Variants in SHOC1 observed in about 807,000 individuals in gnomAD.
SHOC1 encodes the protein shortage in chiasmata 1.
A neutral mutation model predicts 179.2 loss-of-function variants in SHOC1; 136 were observed. That is an observed-to-expected ratio of 0.76 (90% CI 0.66 to 0.87). SHOC1 has a LOEUF of 0.87. Among genes scored for constraint, SHOC1 ranks in the 40% least tolerant of loss-of-function variants. SHOC1 has a pLI of 0.00. For synonymous variants in SHOC1, 489 were observed against 586.6 expected, an observed-to-expected ratio of 0.83 and a Z score of 2.41; for missense variants, 1,538 against 1,700.8, an observed-to-expected ratio of 0.90 and a Z score of 1.68.
chr9:111,729,325 C>T (rs921832095), intron 12 of SHOC1, among the ~76,000 whole-genome samples: 4 of 148,752 alleles, frequency 2.7e-5, no homozygotes, highest in African/African-American at 9.9e-5. Flanking sequence ...CCAGGCTGAT[C>T]TTGAACTCTT....
At chr9:111,736,990 C>T (rs1833837252) in intron 12 of SHOC1, among the ~76,000 whole-genome samples, 1 of 152,088 alleles carries the variant, frequency 6.6e-6, no homozygotes, top group Non-Finnish European at 1.5e-5. Flanking sequence ...CAGAGAAATG[C>T]AAATCAAAGC....
At chr9:111,716,939 A>G (rs549179447) in intron 16 of SHOC1, among the ~76,000 whole-genome samples, 40 of 152,360 alleles carry the variant, frequency 2.6e-4, no homozygotes, top group African/African-American at 9.6e-4. Flanking sequence ...CTAAACAAGC[A>G]TAAGTGTGTA....
intron 12 of SHOC1, among the ~76,000 whole-genome samples, chr9:111,732,490 A>G (rs1833620551): frequency 1.3e-5 from 2 of 152,204 alleles, no homozygotes; most frequent in Admixed American, 6.5e-5. Flanking sequence ...TTTATTCACA[A>G]TAATAAAAAA....
Position 111,756,350 on chromosome 9 carries a change from A to T in SHOC1, c.837T>A (p.Asp279Glu). 1.2e-6 allele frequency: 2 copies of T among 1,600,756 alleles called. No homozygotes were observed. Among genetic ancestry groups the T allele is most frequent in the Non-Finnish European group, 1.7e-6 (2 of 1,176,030 alleles). ...NPVPEIINYV[D>E]EKEKLFERDL... ...CTCTTTCAAAAAGCTTTTCCTTTTC[A>T]TCTACATAGTTTATTATTTCTGGCA... The change falls in exon 8 of 28, where the codon GAT becomes GAA. Residue 279 changes from aspartate (D) to glutamate (E), a missense_variant. Asp to Glu is a conservative substitution (Grantham distance 45). Coordinates refer to ENST00000682961, the MANE Select transcript of SHOC1 (RefSeq NM_001378211.1).
intron 6 of SHOC1, 149 bp from the exon 7 acceptor site, chr9:111,758,344 C>G: frequency 1.8e-6 from 1 of 570,972 alleles, no homozygotes; most frequent in East Asian, 3.2e-5. Context: ...GCCTGTAATC[C>G]CAGCACTTTG....
chr9:111,748,810 TCCTTCCTCCCTC>T (rs1422371712), intron 8 of SHOC1, among the ~76,000 whole-genome samples: 3 of 109,328 alleles, frequency 2.7e-5, no homozygotes, highest in Non-Finnish European at 5.3e-5. Flanking sequence ...CTTCCTTCCT[TCCTTCCTCCCTC>T]CCTTCCTCTC....
chr9:111,753,499 T>A (rs1834699845), intron 8 of SHOC1, among the ~76,000 whole-genome samples: 1 of 152,084 alleles, frequency 6.6e-6, no homozygotes, highest in African/African-American at 2.4e-5. Context: ...GGATAAAAAA[T>A]TTTAAAACCA....
In SHOC1 at chr9:111,748,168, GA is replaced by G. The variant is rs1834379181; in HGVS notation, c.893del (p.Ile298ThrfsTer4). 6.2e-7 allele frequency: 1 copy of G among 1,613,050 alleles called. No individual in the cohort carries two copies. The highest frequency in any genetic ancestry group is 1.3e-5 in the African/African-American group (1 of 74,828). On this transcript the variant is annotated frameshift_variant, in exon 9 of 28. Transcript: ENST00000682961. LOFTEE classifies it high-confidence loss of function. ...DLTNKHGIEDIGDIKFSSTEI... is the reference protein window; with the variant it reads ...DLTNKHGIEDXGDIKFSSTEI... ...CTGTGGAGCTGAATTTTATATCCCC[GA>G]TATCCTCAATTCCATGCTTGTTAGT...
At position 111,691,646 on chromosome 9, in the gene SHOC1, T is replaced by C. The variant is rs1010130109; in HGVS notation, c.4331A>G (p.Asn1444Ser). 6.2e-7 allele frequency: 1 copy of C among 1,613,854 alleles called. No homozygotes were observed. Among genetic ancestry groups the C allele is most frequent in the African/African-American group, 1.3e-5 (1 of 74,908 alleles). ...SDSNANQKEF[N>S]SLYFYQRAGK... ...AGCTCTTTGGTAGAAATAAAGGCTGTTGAATTCTTTTTGATTTGCATTAGA... is the reference window on the plus strand; with the variant it reads ...AGCTCTTTGGTAGAAATAAAGGCTGCTGAATTCTTTTTGATTTGCATTAGA... Residue 1444 changes from asparagine (N) to serine (S), a missense_variant, in exon 27 of 28, where the codon AAC becomes AGC. By Grantham distance (46) the Asn-to-Ser change is conservative. Coordinates refer to ENST00000682961, the MANE Select transcript of SHOC1 (RefSeq NM_001378211.1).
At chr9:111,784,964 A>G (rs542699877) in intron 3 of SHOC1, among the ~76,000 whole-genome samples, 100 of 152,256 alleles carry the variant, frequency 6.6e-4, no homozygotes, top group African/African-American at 2.1e-3. Context: ...CATTCAGTCT[A>G]TTGCAGCTGT....
At chr9:111,727,608 G>A (rs373801572) in intron 13 of SHOC1, 25 bp downstream of exon 13, 28 of 1,529,802 alleles carry the variant, frequency 1.8e-5, no homozygotes, top group Middle Eastern at 1.8e-4. Context: ...CCATATCTAC[G>A]GCAAAATATT....
At chr9:111,707,717 G>A in intron 19 of SHOC1, 138 bp downstream of exon 19, 1 of 612,382 alleles carries the variant, frequency 1.6e-6, no homozygotes. Context: ...CCTATGTAAA[G>A]CATTTTTCAG....
In SHOC1 at chr9:111,694,381, GT is replaced by G; in HGVS notation, c.3184-20del. On this transcript the variant is annotated intron_variant, in intron 24 of 27. Transcript: ENST00000682961. ...TTATAAGCTAAAAAATATTTTTTAT[GT>G]TAGATTATAGGAAATACTAGGAAGC... is the stretch of plus-strand genomic sequence containing the variant. The G allele has an allele frequency of 6.3e-7, 1 of 1,575,206 alleles. No homozygotes were observed.
At chr9:111,724,083 G>T (rs951006926) in intron 13 of SHOC1, among the ~76,000 whole-genome samples, 172 bp from the exon 14 acceptor site, 1 of 152,142 alleles carries the variant, frequency 6.6e-6, no homozygotes, top group African/African-American at 2.4e-5. Flanking sequence ...CTGCTAGGTA[G>T]GAAGATGAAT....
intron 8 of SHOC1, among the ~76,000 whole-genome samples, chr9:111,753,350 A>G (rs1834692710): frequency 6.6e-6 from 1 of 152,230 alleles, no homozygotes; most frequent in Non-Finnish European, 1.5e-5. Context: ...CAAAGACATC[A>G]CAAGAAAATA....
chr9:111,729,560 T>C (rs552699112), intron 12 of SHOC1, among the ~76,000 whole-genome samples: 53 of 152,352 alleles, frequency 3.5e-4, no homozygotes, highest in African/African-American at 1.2e-3. Flanking sequence ...CTGTAGCATG[T>C]GCTGTTTGAC....
At chr9:111,731,803 AAACAT>A (rs67412620) in intron 12 of SHOC1, among the ~76,000 whole-genome samples, 8,336 of 152,256 alleles carry the variant, frequency 0.055, 555 homozygotes, top group African/African-American at 0.16. Flanking sequence ...GATTAAAATA[AAACAT>A]ATCATTCATG....
rs182874325 is a variant in SHOC1 at position 111,753,053 on chromosome 9, A to C, written c.862+3272T>G. Among the ~76,000 whole-genome samples the C allele has an allele frequency of 5.4e-4, 82 of 152,264 alleles. No individual in the cohort carries two copies. In the East Asian group the frequency reaches 0.014, roughly 26 times the overall value. On this transcript the variant is annotated intron_variant, in intron 8 of 27. Transcript: ENST00000682961. ...CATAGTGAGACCCTGTCTCAACAAT[A>C]AAAAAAGAAAGAAAGAAAACATGAA...
intron 5 of SHOC1, among the ~76,000 whole-genome samples, chr9:111,773,660 A>T (rs1223772770): frequency 6.6e-6 from 1 of 152,190 alleles, no homozygotes; most frequent in Non-Finnish European, 1.5e-5. Context: ...ATATTTGTTT[A>T]TATGTTCCCA....
Sources: gnomAD v4.1 joint callset for allele counts (sites outside exome capture counted in the v4.1 genomes callset) on GRCh38, gnomAD v4.1.1 for gene constraint, MANE v1.5 for transcripts, NCBI Gene and HGNC (gene_info 2026-07-23, HGNC 2026-07-21) for gene names.